SLC35E3: variants seen among roughly 807,000 people sequenced by gnomAD.
SLC35E3 encodes solute carrier family 35 member E3, also known as bladder cancer-overexpressed gene 1 protein.
In SLC35E3, 28 loss-of-function variants were observed where a neutral mutation model predicts 30.8. The observed-to-expected ratio is 0.91, with a 90% CI of 0.67 to 1.25. The LOEUF is 1.25. SLC35E3 is among the 50% of genes most tolerant of loss of function. The probability of loss-of-function intolerance (pLI) is 0.00; values close to 1 mark genes in which losing one functional copy is unlikely to be tolerated. For synonymous variants in SLC35E3, 146 were observed against 149.2 expected (o/e 0.98, Z 0.16); for missense variants, 365 against 375.4 (o/e 0.97, Z 0.23).
At chr12:68,751,323 A>G (rs1419308560) in intron 2 of SLC35E3, among the ~76,000 whole-genome samples, 1 of 145,348 alleles carries the variant, frequency 6.9e-6, no homozygotes, top group South Asian at 2.1e-4. Context: ...TTTTAGACAG[A>G]GTCTCACTCT....
Position 68,776,512 on chromosome 12 carries a change from C to CAAA in SLC35E3, c.*11633_*11635dup. ...TGGGAGACAGAGTGAGACTCCGTCT[C>CAAA]AAAAAAAAAAAAAGAAAAGAAAAAT... On this transcript the variant is annotated 3_prime_UTR_variant, in exon 5 of 5. Transcript: ENST00000398004. The CAAA allele has an allele frequency of 8.1e-6, 1 of 123,720 alleles. No individual in the cohort carries two copies. The highest frequency in any genetic ancestry group is 1.7e-5 in the Non-Finnish European group (1 of 57,736). The allele number at this position is 123,720 out of a possible 1,614,324, so 7.7% of individuals were successfully genotyped here.
Position 68,772,009 on chromosome 12 carries a change from GGTTT to G in SLC35E3, c.*7125_*7128del, listed in dbSNP as rs911068622. Reference sequence around the variant, plus strand: ...TTGAATAAATTAATCAGAAGGGTTTGGTTTGTTTGACCTTTTTTTTAATTTTAAT... The same window carrying G: ...TTGAATAAATTAATCAGAAGGGTTTGGTTTGACCTTTTTTTTAATTTTAAT... On this transcript the variant is annotated 3_prime_UTR_variant, in exon 5 of 5. Coordinates refer to ENST00000398004, the MANE Select transcript of SLC35E3 (RefSeq NM_018656.5). 1.3e-5 allele frequency: 2 copies of G among 151,980 alleles called. No homozygotes were observed. The highest frequency in any genetic ancestry group is 2.1e-4 in the South Asian group (1 of 4,792). 9.4% of individuals were successfully genotyped at this position (151,980 alleles called of 1,614,324 possible).
intron 1 of SLC35E3, among the ~76,000 whole-genome samples, 158 bp from the exon 2 acceptor site, chr12:68,747,772 C>G (rs766631752): frequency 7.2e-5 from 11 of 152,158 alleles, no homozygotes; most frequent in Non-Finnish European, 1.5e-4. Flanking sequence ...ATAGGATTAA[C>G]AACTAGTTTT....
At chr12:68,748,493 G>A (rs1878679350) in intron 2 of SLC35E3, among the ~76,000 whole-genome samples, 2 of 151,622 alleles carry the variant, frequency 1.3e-5, no homozygotes, top group South Asian at 4.2e-4. Context: ...TTGTTTATTG[G>A]CTTTTAATAA....
chr12:68,751,301 G>GTTT (rs71436076), intron 2 of SLC35E3, among the ~76,000 whole-genome samples: 1 of 140,466 alleles, frequency 7.1e-6, no homozygotes, highest in Admixed American at 7.1e-5. Flanking sequence ...CTCTGTCTTT[G>GTTT]TTTTTTTTTT....
chr12:68,752,211 T>A (rs750206861), intron 3 of SLC35E3, 21 bp downstream of exon 3: 1 of 1,582,612 alleles, frequency 6.3e-7, no homozygotes, highest in Non-Finnish European at 8.6e-7. Flanking sequence ...ATTGTTTTGA[T>A]ATCTAAGAAA....
rs779972241 is a variant in SLC35E3 at position 68,780,209 on chromosome 12, C to T, written c.*15319C>T. The T allele has an allele frequency of 3.3e-5, 5 of 152,140 alleles. No individual in the cohort carries two copies. Among genetic ancestry groups the T allele is most frequent in the Non-Finnish European group, 5.9e-5 (4 of 68,024 alleles). The allele number at this position is 152,140 out of a possible 1,614,324, so 9.4% of individuals were successfully genotyped here. A position where few individuals can be genotyped will look rare whatever the true frequency, so the allele number is the denominator to read the frequency against. On this transcript the variant is annotated 3_prime_UTR_variant, in exon 5 of 5. Transcript: ENST00000398004. ...TTTGAGACAGGGTCTTACTTTGTCA[C>T]CCAGGCTGGAGTGCAGGGGCACAAA...
intron 2 of SLC35E3, among the ~76,000 whole-genome samples, chr12:68,750,976 ATCT>A (rs976092989): frequency 2.2e-4 from 34 of 152,318 alleles, no homozygotes; most frequent in Admixed American, 1.9e-3. Flanking sequence ...GTCCTGTTAA[ATCT>A]TCTTCAAAGC....
intron 2 of SLC35E3, among the ~76,000 whole-genome samples, 195 bp downstream of exon 2, chr12:68,748,235 C>CCTA (rs1343945240): frequency 4.7e-4 from 72 of 152,128 alleles, no homozygotes; most frequent in Admixed American, 8.5e-4. Flanking sequence ...TCACCAAATA[C>CCTA]CTACCTGTTT....
rs544566742 is a variant in SLC35E3, at chr12:68,775,172, G to A, written c.*10282G>A. The A allele has an allele frequency of 7.2e-5, 11 of 152,204 alleles. No individual in the cohort carries two copies. The highest frequency in any genetic ancestry group is 2.2e-4 in the African/African-American group (9 of 41,536). 9.4% of individuals were successfully genotyped at this position (152,204 alleles called of 1,614,324 possible). ...GCTTAGCCACTTTTAATTATTACTC[G>A]TAGCTGCAAGAATGCCAATGAGCAT... On this transcript the variant is annotated 3_prime_UTR_variant, in exon 5 of 5. Coordinates refer to ENST00000398004, the MANE Select transcript of SLC35E3 (RefSeq NM_018656.5).
At chr12:68,753,583 A>G (rs183460247) in intron 3 of SLC35E3, among the ~76,000 whole-genome samples, 4 of 152,238 alleles carry the variant, frequency 2.6e-5, no homozygotes, top group African/African-American at 9.6e-5. Flanking sequence ...GTATAAACAC[A>G]TAGGTACACA....
intron 3 of SLC35E3, among the ~76,000 whole-genome samples, chr12:68,752,571 A>T (rs183322094): frequency 6.6e-6 from 1 of 152,364 alleles, no homozygotes; most frequent in Admixed American, 6.5e-5. Flanking sequence ...ATACGTAAAA[A>T]TATAAAGAAA....
chr12:68,759,237 C>A lies in SLC35E3; in HGVS notation c.753C>A (p.Val251=). ...GGATCATTGGGAACACTTCACCTGT[C>A]ACGTATCCTTTTCATATAACTTAGA... ...IYWIIGNTSP[V]TYNMFGHFKF... Residue 251 remains valine (V), a splice_region_variant and synonymous_variant, in exon 4 of 5, where the codon GTC becomes GTA. Coordinates refer to ENST00000398004, the MANE Select transcript of SLC35E3 (RefSeq NM_018656.5). The A allele has an allele frequency of 6.2e-7, 1 of 1,607,078 alleles. No homozygotes were observed. The highest frequency in any genetic ancestry group is 8.5e-7 in the Non-Finnish European group (1 of 1,175,034).
intron 2 of SLC35E3, among the ~76,000 whole-genome samples, chr12:68,751,081 G>A (rs1036923123): frequency 6.6e-6 from 1 of 152,080 alleles, no homozygotes; most frequent in Non-Finnish European, 1.5e-5. Context: ...TGGTATTTTA[G>A]GGTTAGTGAT....
chr12:68,761,323 G>A (rs769188543), intron 4 of SLC35E3, among the ~76,000 whole-genome samples: 2 of 152,206 alleles, frequency 1.3e-5, no homozygotes, highest in Non-Finnish European at 2.9e-5. Flanking sequence ...CAAGACAGGA[G>A]GATCCCTTGA....
At chr12:68,759,074 T>G in intron 3 of SLC35E3, 83 bp from the exon 4 acceptor site, 1 of 1,071,162 alleles carries the variant, frequency 9.3e-7, no homozygotes, top group Non-Finnish European at 1.4e-6. Flanking sequence ...TTGAATTTTT[T>G]AAAATGCCGA....
In SLC35E3 at chr12:68,746,382, C is replaced by T. The variant is rs767808126; in HGVS notation, c.5C>T (p.Ala2Val). 6.3e-6 allele frequency: 10 copies of T among 1,585,848 alleles called. No homozygotes were observed. The highest frequency in any genetic ancestry group is 2.2e-5 in the East Asian group (1 of 44,716). M[A>V]LLVDRVRGHW... ...GGCCCCAGCTTCGCGGGGATCATGG[C>T]ATTGCTGGTGGACCGAGTGCGGGGC... The change falls in exon 1 of 5, where the codon GCA (alanine) becomes GTA (valine). Residue 2 changes from alanine (A) to valine (V), a missense_variant. Transcript: ENST00000398004.
At chr12:68,755,673 A>G (rs546136413) in intron 3 of SLC35E3, among the ~76,000 whole-genome samples, 3 of 152,296 alleles carry the variant, frequency 2.0e-5, no homozygotes, top group African/African-American at 7.2e-5. Context: ...GGGAGCAGGC[A>G]TGTCACATGG....
intron 3 of SLC35E3, 71 bp from the exon 4 acceptor site, chr12:68,759,082 CGAAT>C (rs1030113541): frequency 1.5e-5 from 16 of 1,086,988 alleles, no homozygotes; most frequent in Non-Finnish European, 2.2e-5. Context: ...TTTAAAATGC[CGAAT>C]GAAATGTATC....
Sources: allele counts gnomAD v4.1 joint callset (sites outside exome capture counted in the v4.1 genomes callset), GRCh38; gene constraint gnomAD v4.1.1; transcripts MANE v1.5; gene names NCBI Gene and HGNC (gene_info 2026-07-23, HGNC 2026-07-21).